The following UTRN variants were observed in gnomAD, a reference collection of about 807,000 sequenced individuals.
UTRN encodes the protein utrophin.
Under a neutral mutation model 463.9 loss-of-function variants are expected in UTRN, and 283 were observed. That is an observed-to-expected ratio of 0.61 (90% CI 0.55 to 0.67). The LOEUF is 0.67. UTRN is among the 30% of genes least tolerant of loss of function. The pLI is 0.00. For missense variants in UTRN, 3,922 were observed against 4,084.3 expected, an observed-to-expected ratio of 0.96 and a Z score of 1.08; for synonymous variants, 1,442 against 1,431.5, an observed-to-expected ratio of 1.01 and a Z score of -0.17.
At chr6:144,627,452 TA>T (rs1776063783) in intron 51 of UTRN, among the ~76,000 whole-genome samples, 1 of 152,080 alleles carries the variant, frequency 6.6e-6, no homozygotes, top group African/African-American at 2.4e-5. Context: ...TTTTAAAAAC[TA>T]TGGTGAAATA....
chr6:144,441,949 G>A (rs1787214439), intron 13 of UTRN, among the ~76,000 whole-genome samples: 2 of 152,136 alleles, frequency 1.3e-5, no homozygotes, highest in Admixed American at 1.3e-4. Flanking sequence ...GGAGCAGCTG[G>A]GATGCAGGGC....
chr6:144,710,139 G>A (rs760264436), intron 53 of UTRN, among the ~76,000 whole-genome samples: 1 of 152,194 alleles, frequency 6.6e-6, no homozygotes, highest in Admixed American at 6.5e-5. Flanking sequence ...ACATTTAAAT[G>A]TTTAGGTGAT....
intron 52 of UTRN, among the ~76,000 whole-genome samples, chr6:144,699,267 G>A (rs995202881): frequency 6.6e-5 from 10 of 151,844 alleles, no homozygotes; most frequent in Admixed American, 2.0e-4. Flanking sequence ...GTGAAATCCC[G>A]TCTCTACTAA....
intron 51 of UTRN, among the ~76,000 whole-genome samples, chr6:144,582,129 G>A (rs1160761394): frequency 6.6e-6 from 1 of 152,126 alleles, no homozygotes; most frequent in Non-Finnish European, 1.5e-5. Flanking sequence ...GATAAACACC[G>A]TTCTGTAAGA....
chr6:144,736,013 A>G (rs1789352235), intron 54 of UTRN, among the ~76,000 whole-genome samples: 1 of 152,170 alleles, frequency 6.6e-6, no homozygotes, highest in South Asian at 2.1e-4. Context: ...GGGACAAGAA[A>G]AAAAGAAGTC....
At chr6:144,482,157 T>C (rs377547347) in intron 26 of UTRN, 52 bp from the exon 27 acceptor site, 10 of 1,348,564 alleles carry the variant, frequency 7.4e-6, no homozygotes, top group Non-Finnish European at 9.7e-6. Flanking sequence ...AAGAAATTGG[T>C]TACTGAGAAA....
chr6:144,453,157 C>T (rs1387376739), intron 18 of UTRN, among the ~76,000 whole-genome samples: 2 of 152,038 alleles, frequency 1.3e-5, no homozygotes, highest in Non-Finnish European at 2.9e-5. Context: ...GAGTTTTGCT[C>T]TGTTGCCCAG....
intron 2 of UTRN, among the ~76,000 whole-genome samples, chr6:144,328,387 T>TA (rs1776112673): frequency 6.6e-6 from 1 of 152,132 alleles, no homozygotes; most frequent in African/African-American, 2.4e-5. Flanking sequence ...TTCCAGGTGT[T>TA]ACCAGAAGTT....
intron 64 of UTRN, chr6:144,799,538 A>G: frequency 4.2e-6 from 2 of 470,870 alleles, no homozygotes; most frequent in South Asian, 3.1e-5. Flanking sequence ...TCTGGTAGAC[A>G]TAGATGTATG....
intron 66 of UTRN, among the ~76,000 whole-genome samples, chr6:144,822,044 A>G (rs974074118): frequency 1.2e-4 from 19 of 152,082 alleles, no homozygotes; most frequent in African/African-American, 4.6e-4. Context: ...GTCAAGTGCA[A>G]TTTTTGTGAA....
chr6:144,650,637 G>A (rs760538727), intron 51 of UTRN, among the ~76,000 whole-genome samples: 40 of 152,158 alleles, frequency 2.6e-4, no homozygotes, highest in Non-Finnish European at 5.0e-4. Flanking sequence ...TAGGCCGGGC[G>A]CCGTGGCTCA....
At chr6:144,655,310 C>T (rs1779215279) in intron 51 of UTRN, among the ~76,000 whole-genome samples, 1 of 152,212 alleles carries the variant, frequency 6.6e-6, no homozygotes, top group South Asian at 2.1e-4. Flanking sequence ...ATGGACTGGT[C>T]TCTCCCTAAT....
chr6:144,675,304 G>T (rs1370122801), intron 51 of UTRN, among the ~76,000 whole-genome samples: 2 of 152,192 alleles, frequency 1.3e-5, no homozygotes, highest in Non-Finnish European at 2.9e-5. Flanking sequence ...CCTGTAATGT[G>T]ATCTGTCCTC....
At chr6:144,676,384 A>G (rs1585939941) in intron 51 of UTRN, among the ~76,000 whole-genome samples, 1 of 152,164 alleles carries the variant, frequency 6.6e-6, no homozygotes, top group African/African-American at 2.4e-5. Context: ...AAATCAGATA[A>G]CTTCACTTAA....
chr6:144,551,003 G>A lies in UTRN; in HGVS notation c.6849G>A (p.Leu2283=). ...ACTTAGAACAGCGCCATCCTCAGCT[G>A]GATTATGTTTTTACATTGGCACAGA... ...KADLEQRHPQ[L]DYVFTLAQNL... is the part of the protein sequence containing the mutation. The change falls in exon 48 of 75, where the codon CTG becomes CTA. Residue 2283 remains leucine (L), a synonymous_variant. Transcript: ENST00000367545. The A allele has an allele frequency of 6.2e-7, 1 of 1,612,014 alleles. No homozygotes were observed. Among genetic ancestry groups the A allele is most frequent in the Non-Finnish European group, 8.5e-7 (1 of 1,179,466 alleles).
intron 23 of UTRN, among the ~76,000 whole-genome samples, chr6:144,469,714 TA>T (rs1790314844): frequency 6.0e-5 from 9 of 149,776 alleles, no homozygotes; most frequent in African/African-American, 2.0e-4. Flanking sequence ...TTTTTTTTTT[TA>T]GTATTTATTG....
chr6:144,768,500 C>A (rs1369222912), intron 58 of UTRN, among the ~76,000 whole-genome samples: 1 of 151,902 alleles, frequency 6.6e-6, no homozygotes, highest in Non-Finnish European at 1.5e-5. Flanking sequence ...TATACAAATA[C>A]AAAAAGAGCA....
At position 144,852,354 on chromosome 6, in the gene UTRN, G is replaced by A. The variant is rs982792811; in HGVS notation, c.*1357G>A. On this transcript the variant is annotated 3_prime_UTR_variant, in exon 75 of 75. Transcript: ENST00000367545. ...ATGTTACTTAATTAGCAAATGTAGA[G>A]GAACCAAAAAAAGGTGAAAATAATA... 9 of 151,714 alleles carry A rather than the reference G, an allele frequency of 5.9e-5. No homozygotes were observed. The highest frequency in any genetic ancestry group is 1.9e-4 in the African/African-American group (8 of 41,252). The allele number at this position is 151,714 out of a possible 1,614,324, so 9.4% of individuals were successfully genotyped here. A position where few individuals can be genotyped will look rare whatever the true frequency, so the allele number is the denominator to read the frequency against.
chr6:144,611,480 C>T (rs1304116813), intron 51 of UTRN, among the ~76,000 whole-genome samples: 2 of 152,174 alleles, frequency 1.3e-5, no homozygotes, highest in Non-Finnish European at 2.9e-5. Flanking sequence ...AATGATTCCA[C>T]TAAAAAACTT....
Sources: allele counts gnomAD v4.1 joint callset (sites outside exome capture counted in the v4.1 genomes callset), GRCh38; gene constraint gnomAD v4.1.1; transcripts MANE v1.5; gene names NCBI Gene and HGNC (gene_info 2026-07-23, HGNC 2026-07-21).